IMMP2L: variants seen among roughly 807,000 people sequenced by gnomAD.
The protein encoded by IMMP2L is inner mitochondrial membrane peptidase subunit 2.
In IMMP2L, 18 loss-of-function variants were observed where a neutral mutation model predicts 19.3. The ratio of observed to expected loss-of-function variants is 0.93; its 90% CI spans 0.64 to 1.38. The LOEUF is 1.38. Ranked by LOEUF, IMMP2L falls within the 40% of genes most tolerant of loss-of-function variation. The probability of loss-of-function intolerance (pLI) is 0.00; values close to 1 mark genes in which losing one functional copy is unlikely to be tolerated. For missense variants in IMMP2L, 233 were observed against 218.2 expected, an observed-to-expected ratio of 1.07 and a Z score of -0.43; for synonymous variants, 76 against 73.0, an observed-to-expected ratio of 1.04 and a Z score of -0.21.
At chr7:111,127,130 A>C (rs1801391781) in intron 3 of IMMP2L, among the ~76,000 whole-genome samples, 1 of 152,198 alleles carries the variant, frequency 6.6e-6, no homozygotes, top group African/African-American at 2.4e-5. Context: ...TCAAACACAA[A>C]TTTTACAACC....
intron 3 of IMMP2L, among the ~76,000 whole-genome samples, chr7:111,249,242 G>A (rs1197370609): frequency 9.6e-6 from 1 of 104,496 alleles, no homozygotes; most frequent in African/African-American, 4.1e-5. Flanking sequence ...TTCTTAAGCC[G>A]GTCTGAAAAG....
chr7:110,927,742 T>A (rs1052702314), intron 4 of IMMP2L, among the ~76,000 whole-genome samples: 1 of 152,148 alleles, frequency 6.6e-6, no homozygotes, highest in African/African-American at 2.4e-5. Context: ...GCTGGACTTC[T>A]GACCTTCAGA....
chr7:110,850,100 C>T (rs192893899), intron 5 of IMMP2L, among the ~76,000 whole-genome samples: 167 of 151,918 alleles, frequency 1.1e-3, no homozygotes, highest in African/African-American at 3.9e-3. Flanking sequence ...GAGAAAACTA[C>T]TAAAGTCAGA....
intron 2 of IMMP2L, among the ~76,000 whole-genome samples, chr7:111,503,772 C>T (rs796146597): frequency 1.3e-5 from 2 of 150,972 alleles, no homozygotes; most frequent in Admixed American, 6.6e-5. Flanking sequence ...ATTCAACAAC[C>T]CTTCATGCTA....
At chr7:111,327,891 G>A (rs1279148794) in intron 3 of IMMP2L, among the ~76,000 whole-genome samples, 2 of 151,544 alleles carry the variant, frequency 1.3e-5, no homozygotes, top group Non-Finnish European at 3.0e-5. Flanking sequence ...TTTCAGTGTG[G>A]AAATGAGGGT....
chr7:111,559,101 C>T (rs535435428), intron 1 of IMMP2L, among the ~76,000 whole-genome samples: 38 of 152,220 alleles, frequency 2.5e-4, no homozygotes, highest in Non-Finnish European at 4.7e-4. Context: ...CTACAGACCA[C>T]AGCTTATGAG....
At chr7:110,921,978 C>T (rs1010068712) in intron 4 of IMMP2L, among the ~76,000 whole-genome samples, 17 of 152,128 alleles carry the variant, frequency 1.1e-4, no homozygotes, top group Non-Finnish European at 1.9e-4. Context: ...AAAGAGCTTG[C>T]ACCACTGCTG....
At chr7:110,952,147 A>G (rs2129554278) in intron 4 of IMMP2L, among the ~76,000 whole-genome samples, 1 of 152,254 alleles carries the variant, frequency 6.6e-6, no homozygotes, top group African/African-American at 2.4e-5. Context: ...TTGACAGAGA[A>G]AAAAAACATA....
chr7:111,327,962 T>C (rs1476129960), intron 3 of IMMP2L, among the ~76,000 whole-genome samples: 7 of 151,722 alleles, frequency 4.6e-5, no homozygotes, highest in Non-Finnish European at 1.0e-4. Context: ...ATATATAATA[T>C]ATAAGAATAC....
intron 3 of IMMP2L, among the ~76,000 whole-genome samples, chr7:111,250,120 G>T (rs1422372268): frequency 1.3e-5 from 2 of 152,052 alleles, no homozygotes; most frequent in Non-Finnish European, 2.9e-5. Context: ...CAACAGAAAA[G>T]CGGAGTGGTG....
rs1441173195 is a variant in IMMP2L at position 111,227,071 on chromosome 7, T to C, written c.239+260167A>G. ...AAGAGAAAGAATGAAAACAAATAAA[T>C]TGCTCAGGTGAATAAGAAGGGGTGG... On this transcript the variant is annotated intron_variant, in intron 3 of 5. Transcript: ENST00000405709. Among the ~76,000 whole-genome samples, 3 of 152,004 alleles carry C rather than the reference T, an allele frequency of 2.0e-5. No individual in the cohort carries two copies. In the East Asian group the frequency reaches 5.8e-4, roughly 29 times the overall value.
chr7:111,308,110 T>C (rs1823080063), intron 3 of IMMP2L, among the ~76,000 whole-genome samples: 1 of 151,944 alleles, frequency 6.6e-6, no homozygotes, highest in Admixed American at 6.6e-5. Flanking sequence ...TTCTGGCCTA[T>C]AAGATTATTT....
At chr7:111,254,606 G>C (rs1328255901) in intron 3 of IMMP2L, among the ~76,000 whole-genome samples, 1 of 152,000 alleles carries the variant, frequency 6.6e-6, no homozygotes, top group African/African-American at 2.4e-5. Context: ...CATTTTATAA[G>C]TAAAAAGAAA....
intron 5 of IMMP2L, among the ~76,000 whole-genome samples, chr7:110,848,007 T>A (rs1037774678): frequency 1.3e-5 from 2 of 152,102 alleles, no homozygotes; most frequent in African/African-American, 2.4e-5. Flanking sequence ...ATGGTGATGA[T>A]CTTTTAGATA....
At chr7:110,689,707 CCT>C (rs1377177989) in intron 5 of IMMP2L, among the ~76,000 whole-genome samples, 1 of 152,030 alleles carries the variant, frequency 6.6e-6, no homozygotes, top group Non-Finnish European at 1.5e-5. Context: ...ATCTGCTGCC[CCT>C]GTTTTATGAT....
intron 5 of IMMP2L, among the ~76,000 whole-genome samples, chr7:110,733,058 G>T (rs548639382): frequency 6.6e-6 from 1 of 152,296 alleles, no homozygotes; most frequent in South Asian, 2.1e-4. Context: ...TAAGATTACA[G>T]GTGTGAGCCA....
In IMMP2L at chr7:110,992,142, C is replaced by T. The variant is rs896988368; in HGVS notation, c.240-28577G>A. On this transcript the variant is annotated intron_variant, in intron 3 of 5. Coordinates refer to ENST00000405709, the MANE Select transcript of IMMP2L (RefSeq NM_032549.4). The stretch of plus-strand genomic sequence containing the variant: ...TTACTTCTCTGAGAGATTATAAGTC[C>T]GTTGAAGGTATAAAAAATCTTGTAG... 3.9e-5 allele frequency among the ~76,000 whole-genome samples: 6 copies of T among 152,020 alleles called. No individual in the cohort carries two copies. The East Asian group carries it at 7.7e-4, about 20-fold the overall frequency.
Position 111,243,030 on chromosome 7 carries a change from T to G in IMMP2L, c.239+244208A>C, listed in dbSNP as rs139475249. Among the ~76,000 whole-genome samples the G allele has an allele frequency of 3.9e-5, 6 of 152,246 alleles. 1 individual carries two copies. Among genetic ancestry groups the G allele is most frequent in the African/African-American group, 1.4e-4 (6 of 41,556 alleles). ...CTGTCATATCACAAATCTCTTTTTG[T>G]GCACTTTTCTTGTGAACCACATGTC... On this transcript the variant is annotated intron_variant, in intron 3 of 5. Coordinates refer to ENST00000405709, the MANE Select transcript of IMMP2L (RefSeq NM_032549.4).
intron 3 of IMMP2L, among the ~76,000 whole-genome samples, chr7:110,971,677 G>A (rs1007260345): frequency 6.6e-6 from 1 of 152,060 alleles, no homozygotes; most frequent in African/African-American, 2.4e-5. Context: ...GGACACTTAA[G>A]TCTTGCTTGC....
Sources: gnomAD v4.1 joint callset for allele counts (sites outside exome capture counted in the v4.1 genomes callset) on GRCh38, gnomAD v4.1.1 for gene constraint, MANE v1.5 for transcripts, NCBI Gene and HGNC (gene_info 2026-07-23, HGNC 2026-07-21) for gene names.